Variants in CDH4 observed in about 807,000 individuals in gnomAD.
CDH4 encodes cadherin-4.
A neutral mutation model predicts 86.0 loss-of-function variants in CDH4; 33 were observed. The ratio of observed to expected loss-of-function variants is 0.38; its 90% confidence interval spans 0.29 to 0.51. The LOEUF is 0.51. Ranked by LOEUF, CDH4 falls within the 20% of genes least tolerant of loss-of-function variation. The pLI is 0.86. For missense variants in CDH4, 1,114 were observed against 1,307.4 expected (o/e 0.85, Z 2.28); for synonymous variants, 555 against 549.4 (o/e 1.01, Z -0.14).
intron 2 of CDH4, among the ~76,000 whole-genome samples, chr20:61,265,146 TAA>T (rs2084150524): frequency 6.9e-6 from 1 of 145,434 alleles, no homozygotes; most frequent in Non-Finnish European, 1.5e-5. Context: ...GTCCTACACA[TAA>T]CTCAGTGGTT....
intron 2 of CDH4, among the ~76,000 whole-genome samples, chr20:61,622,838 C>T (rs778467399): frequency 5.9e-5 from 9 of 152,178 alleles, no homozygotes; most frequent in Non-Finnish European, 1.0e-4. Context: ...CCCCTGGGGA[C>T]AGAATTGCCC....
intron 2 of CDH4, among the ~76,000 whole-genome samples, chr20:61,577,534 G>T (rs73136698): frequency 0.058 from 8,837 of 152,252 alleles, 527 homozygotes; most frequent in African/African-American, 0.15. Flanking sequence ...ATGTTGAAGG[G>T]TCTGCATGGG....
At chr20:61,356,436 G>C (rs1416404618) in intron 2 of CDH4, among the ~76,000 whole-genome samples, 2 of 152,148 alleles carry the variant, frequency 1.3e-5, no homozygotes, top group East Asian at 3.9e-4. Flanking sequence ...TTTACACCCA[G>C]TTGTTGATGA....
intron 2 of CDH4, among the ~76,000 whole-genome samples, chr20:61,636,742 C>T (rs1412439530): frequency 6.6e-6 from 1 of 152,242 alleles, no homozygotes; most frequent in East Asian, 1.9e-4. Flanking sequence ...GCCCCAGACT[C>T]CTGAGTCGCT....
At chr20:61,471,305 T>C (rs1445747126) in intron 2 of CDH4, among the ~76,000 whole-genome samples, 1 of 152,094 alleles carries the variant, frequency 6.6e-6, no homozygotes, top group African/African-American at 2.4e-5. Context: ...TTCCAACTTA[T>C]TGTCATACAG....
chr20:61,640,483 G>A (rs1426016604), intron 2 of CDH4, among the ~76,000 whole-genome samples: 1 of 152,212 alleles, frequency 6.6e-6, no homozygotes, highest in Non-Finnish European at 1.5e-5. Flanking sequence ...CTATGAGGGG[G>A]CTGCTGCTGT....
At chr20:61,428,099 A>G (rs2085224751) in intron 2 of CDH4, among the ~76,000 whole-genome samples, 1 of 152,134 alleles carries the variant, frequency 6.6e-6, no homozygotes. Context: ...CCCAGCAGGA[A>G]GCAGCTGCTG....
At chr20:61,859,542 C>T (rs1195026488) in intron 6 of CDH4, among the ~76,000 whole-genome samples, 1 of 152,310 alleles carries the variant, frequency 6.6e-6, no homozygotes, top group East Asian at 1.9e-4. Context: ...ACGTTAGGTC[C>T]ATGATTCATT....
rs367682163 is a variant in CDH4, at chr20:61,606,718, G to A, written c.170-136845G>A. ...CTCCTTGGCTGCCATGGCTTGTGTC[G>A]TGCACACACCTGCTCAGGGCCAGTG... On this transcript the variant is annotated intron_variant, in intron 2 of 15. Coordinates refer to ENST00000614565, the MANE Select transcript of CDH4 (RefSeq NM_001794.5). 3.9e-4 allele frequency among the ~76,000 whole-genome samples: 60 copies of A among 152,310 alleles called. No homozygotes were observed. In the East Asian group the frequency reaches 7.7e-3, roughly 20 times the overall value.
chr20:61,647,154 A>G lies in CDH4; in HGVS notation c.170-96409A>G, dbSNP rs149248429. On this transcript the variant is annotated intron_variant, in intron 2 of 15. Transcript: ENST00000614565. Reference sequence around the variant, plus strand: ...GAAGGAGATGCCTCATCCAGCCAGTATAGCGCCAGGCACGTGTTCCCAAGC... The same window carrying G: ...GAAGGAGATGCCTCATCCAGCCAGTGTAGCGCCAGGCACGTGTTCCCAAGC... 1.1e-3 allele frequency among the ~76,000 whole-genome samples: 172 copies of G among 152,322 alleles called. 1 individual carries two copies. The highest frequency in any genetic ancestry group is 4.0e-3 in the African/African-American group (165 of 41,576).
Position 61,902,530 on chromosome 20 carries a change from A to G in CDH4, c.1188+7483A>G, listed in dbSNP as rs2054737837. ...CGGCCGTTGACACAGGGACAGGCAC[A>G]CCTTTTCTTGAATGGTCTGGAGAGT... On this transcript the variant is annotated intron_variant, in intron 8 of 15. Coordinates refer to ENST00000614565, the MANE Select transcript of CDH4 (RefSeq NM_001794.5). This position sits in a 1 kb window ranked among gnomAD's most constrained non-coding sequence, Gnocchi z 4.6. Among the ~76,000 whole-genome samples the G allele has an allele frequency of 6.6e-6, 1 of 152,212 alleles. No individual in the cohort carries two copies. Among genetic ancestry groups the G allele is most frequent in the Admixed American group, 6.5e-5 (1 of 15,290 alleles).
At chr20:61,855,874 C>G (rs1055165302) in intron 6 of CDH4, among the ~76,000 whole-genome samples, 3 of 152,188 alleles carry the variant, frequency 2.0e-5, no homozygotes, top group Admixed American at 2.0e-4. Flanking sequence ...AGTGAAACGT[C>G]CATGGACTCT....
chr20:61,589,935 G>A (rs1246510320), intron 2 of CDH4, among the ~76,000 whole-genome samples: 1 of 151,942 alleles, frequency 6.6e-6, no homozygotes, highest in Non-Finnish European at 1.5e-5. Flanking sequence ...TGGGAATGGT[G>A]CTCCTTGAGA....
In CDH4 at chr20:61,539,469, G is replaced by A. The variant is rs187813672; in HGVS notation, c.170-204094G>A. Among the ~76,000 whole-genome samples the A allele has an allele frequency of 1.9e-3, 286 of 152,276 alleles. 1 individual carries two copies. The highest frequency in any genetic ancestry group is 6.3e-3 in the African/African-American group (260 of 41,550). ...CTTCTCCCTGTGTCCTCACGGAGTC[G>A]TCCCTGTGTGTGTGTCTGTGTCCTC... is the stretch of plus-strand genomic sequence containing the variant. On this transcript the variant is annotated intron_variant, in intron 2 of 15. Transcript: ENST00000614565.
chr20:61,936,965 G>C lies in CDH4; in HGVS notation c.*22G>C, dbSNP rs542656321. 1.3e-6 allele frequency: 2 copies of C among 1,542,576 alleles called. No homozygotes were observed. Among genetic ancestry groups the C allele is most frequent in the Non-Finnish European group, 1.8e-6 (2 of 1,141,320 alleles). ...TTGACTGACCTCGCATCTTCGGACCGAAGTGAGAGCCGTGCTCGGACGCCG... is the reference window on the plus strand; with the variant it reads ...TTGACTGACCTCGCATCTTCGGACCCAAGTGAGAGCCGTGCTCGGACGCCG... On this transcript the variant is annotated 3_prime_UTR_variant, in exon 16 of 16. Coordinates refer to ENST00000614565, the MANE Select transcript of CDH4 (RefSeq NM_001794.5).
chr20:61,801,156 T>G (rs1979811564), intron 4 of CDH4, among the ~76,000 whole-genome samples: 1 of 152,078 alleles, frequency 6.6e-6, no homozygotes, highest in African/African-American at 2.4e-5. Flanking sequence ...TTGGGAGGTG[T>G]TGAGGGCTTG....
At chr20:61,631,600 C>T (rs555041983) in intron 2 of CDH4, among the ~76,000 whole-genome samples, 2 of 152,242 alleles carry the variant, frequency 1.3e-5, no homozygotes, top group Admixed American at 6.5e-5. Flanking sequence ...GCCGAGATCA[C>T]GCCACTGCTC....
At position 61,756,597 on chromosome 20, in the gene CDH4, C is replaced by A. The variant is rs545837880; in HGVS notation, c.396+12808C>A. On this transcript the variant is annotated intron_variant, in intron 3 of 15. Transcript: ENST00000614565. Reference sequence around the variant, plus strand: ...TCCCCCATCCCCTGGTCCCTCCCCCCATCTCCTGGAGAAGCCTGGATATGA... The same window carrying A: ...TCCCCCATCCCCTGGTCCCTCCCCCAATCTCCTGGAGAAGCCTGGATATGA... 2.6e-5 allele frequency among the ~76,000 whole-genome samples: 4 copies of A among 151,826 alleles called. No individual in the cohort carries two copies. The South Asian group carries it at 8.4e-4, about 32-fold the overall frequency.
chr20:61,423,628 T>G (rs2145505497), intron 2 of CDH4, among the ~76,000 whole-genome samples: 1 of 152,204 alleles, frequency 6.6e-6, no homozygotes, highest in Middle Eastern at 3.4e-3. Context: ...GGATTTTTTT[T>G]GTTCATGACT....
Sources: gnomAD v4.1 joint callset for allele counts (sites outside exome capture counted in the v4.1 genomes callset) on GRCh38, gnomAD v4.1.1 for gene constraint, Gnocchi (gnomAD v3.1) non-coding constraint, MANE v1.5 for transcripts, NCBI Gene and HGNC (gene_info 2026-07-23, HGNC 2026-07-21) for gene names.